HAPSTR1: variants seen among roughly 807,000 people sequenced by gnomAD.
HAPSTR1 encodes the protein HUWE1-associated protein modifying stress responses 1.
chr16:9,092,023 A>G, the HAPSTR1 span: 1 of 1,483,394 alleles, frequency 6.7e-7, no homozygotes, highest in South Asian at 1.3e-5. Context: ...GGTGGCGGCG[A>G]GGCCGCGGGA....
the HAPSTR1 span, among the ~76,000 whole-genome samples, chr16:9,116,408 T>TGC: frequency 6.6e-6 from 1 of 152,204 alleles, no homozygotes; most frequent in Non-Finnish European, 1.5e-5. Flanking sequence ...TTTGTACACC[T>TGC]AGCACGGTGG....
the HAPSTR1 span, among the ~76,000 whole-genome samples, chr16:9,096,701 T>TA: frequency 6.6e-6 from 1 of 152,224 alleles, no homozygotes; most frequent in Non-Finnish European, 1.5e-5. Flanking sequence ...TTGTTCAAAA[T>TA]ACCTTAGTGT....
the HAPSTR1 span, chr16:9,110,312 G>A: frequency 6.6e-6 from 1 of 152,050 alleles, no homozygotes. Flanking sequence ...CAGATTTAGG[G>A]GTATAAGGTT....
At chr16:9,101,204 A>C in the HAPSTR1 span, among the ~76,000 whole-genome samples, 1 of 152,178 alleles carries the variant, frequency 6.6e-6, no homozygotes, top group Non-Finnish European at 1.5e-5. Flanking sequence ...AGGTTTGTCC[A>C]CCCCTTTAGG....
At chr16:9,107,169 G>A in the HAPSTR1 span, 1 of 152,202 alleles carries the variant, frequency 6.6e-6, no homozygotes, top group East Asian at 1.9e-4. Flanking sequence ...ATTTATCTCA[G>A]ATGAAGTTTC....
the HAPSTR1 span, among the ~76,000 whole-genome samples, chr16:9,100,796 A>G: frequency 6.6e-6 from 1 of 151,960 alleles, no homozygotes; most frequent in Non-Finnish European, 1.5e-5. Context: ...TGGCCTCCCA[A>G]AGTGCTAGGA....
chr16:9,120,262 T>G, the HAPSTR1 span: 12 of 152,244 alleles, frequency 7.9e-5, no homozygotes, highest in Non-Finnish European at 1.5e-4. Context: ...TTATGGTACC[T>G]GCTACCCCTT....
chr16:9,101,628 C>T, the HAPSTR1 span, among the ~76,000 whole-genome samples: 2 of 152,052 alleles, frequency 1.3e-5, no homozygotes, highest in African/African-American at 4.8e-5. Flanking sequence ...GCAATAAAGA[C>T]TGTCATCTGC....
the HAPSTR1 span, chr16:9,108,667 A>G: frequency 6.6e-6 from 1 of 152,180 alleles, no homozygotes; most frequent in Non-Finnish European, 1.5e-5. Flanking sequence ...GGTTTTCCCC[A>G]TAAGCTAATC....
chr16:9,097,508 A>T, the HAPSTR1 span, among the ~76,000 whole-genome samples: 8 of 152,162 alleles, frequency 5.3e-5, no homozygotes, highest in Non-Finnish European at 1.2e-4. Flanking sequence ...AAGTGCCGGG[A>T]TTATAACTGT....
chr16:9,092,906 T>C, the HAPSTR1 span: 1 of 1,551,898 alleles, frequency 6.4e-7, no homozygotes, highest in South Asian at 1.2e-5. Flanking sequence ...TTTTTTTTTT[T>C]GGCTTGCTTT....
the HAPSTR1 span, among the ~76,000 whole-genome samples, chr16:9,092,486 G>C: frequency 2.0e-5 from 3 of 152,126 alleles, no homozygotes; most frequent in African/African-American, 7.2e-5. Flanking sequence ...CGGCGTGGGG[G>C]TAGCCCCGCT....
the HAPSTR1 span, chr16:9,092,168 C>T: frequency 1.3e-6 from 2 of 1,572,690 alleles, no homozygotes; most frequent in Non-Finnish European, 1.7e-6. Context: ...GCCCCCCGAG[C>T]TGCAGGAGGA....
the HAPSTR1 span, among the ~76,000 whole-genome samples, chr16:9,093,664 G>C: frequency 3.3e-5 from 5 of 152,194 alleles, no homozygotes; most frequent in Non-Finnish European, 1.5e-5. Context: ...GAATTCTGTT[G>C]AGAGTTTTGA....
chr16:9,096,081 T>C, the HAPSTR1 span, among the ~76,000 whole-genome samples: 1 of 152,214 alleles, frequency 6.6e-6, no homozygotes, highest in African/African-American at 2.4e-5. Flanking sequence ...GTTCAGATCT[T>C]GGCTCTGTTA....
chr16:9,092,464 A>G, the HAPSTR1 span, among the ~76,000 whole-genome samples: 17 of 151,908 alleles, frequency 1.1e-4, no homozygotes, highest in African/African-American at 4.1e-4. Context: ...GGTTGGGGGG[A>G]CAGGCCAGAG....
the HAPSTR1 span, chr16:9,103,991 A>ATT: frequency 6.6e-6 from 1 of 152,246 alleles, no homozygotes; most frequent in Non-Finnish European, 1.5e-5. Context: ...GTGTGACAGC[A>ATT]TTGAATACTG....
the HAPSTR1 span, chr16:9,102,935 G>A: frequency 3.2e-5 from 51 of 1,572,192 alleles, 1 homozygote; most frequent in African/African-American, 3.1e-4. Context: ...AAGGGAATAC[G>A]GGCTCTAATG....
the HAPSTR1 span, among the ~76,000 whole-genome samples, chr16:9,098,586 G>C: frequency 1.3e-5 from 2 of 152,166 alleles, no homozygotes; most frequent in Admixed American, 6.5e-5. Context: ...GCTGAGGGGA[G>C]AGGTTCTCTT....
Sources: allele counts gnomAD v4.1 joint callset (sites outside exome capture counted in the v4.1 genomes callset), GRCh38; gene constraint gnomAD v4.1.1; transcripts MANE v1.5; gene names NCBI Gene and HGNC (gene_info 2026-07-23, HGNC 2026-07-21).